TDRD5: variants seen among roughly 807,000 people sequenced by gnomAD.
The protein encoded by TDRD5 is tudor domain containing 5.
TDRD5 carries 41 observed loss-of-function variants against 120.6 expected under a neutral mutation model. The observed-to-expected ratio is 0.34, with a 90% CI of 0.26 to 0.44. TDRD5 has a LOEUF of 0.44. Among genes scored for constraint, TDRD5 ranks in the 20% least tolerant of loss-of-function variants. The pLI, the probability that TDRD5 is intolerant of heterozygous loss-of-function variation, is 1.00. For missense variants in TDRD5, 1,006 were observed against 1,221.2 expected (o/e 0.82, Z 2.63); for synonymous variants, 430 against 433.7 (o/e 0.99, Z 0.11).
At chr1:179,627,942 G>A (rs549003786) in intron 6 of TDRD5, among the ~76,000 whole-genome samples, 51 of 152,254 alleles carry the variant, frequency 3.3e-4, no homozygotes, top group African/African-American at 1.2e-3. Context: ...ACAGAATGCT[G>A]CTGTTAAAAC....
chr1:179,606,556 T>G (rs1675995330), intron 4 of TDRD5, among the ~76,000 whole-genome samples: 1 of 152,142 alleles, frequency 6.6e-6, no homozygotes, highest in South Asian at 2.1e-4. Flanking sequence ...TCAAAGAGTT[T>G]TATAGTTTTG....
intron 4 of TDRD5, among the ~76,000 whole-genome samples, chr1:179,611,729 G>A (rs1366446442): frequency 6.6e-6 from 1 of 152,202 alleles, no homozygotes; most frequent in East Asian, 1.9e-4. Flanking sequence ...CTCATGGCAT[G>A]GCTCCAAGTT....
intron 4 of TDRD5, among the ~76,000 whole-genome samples, chr1:179,612,119 T>A (rs2101947809): frequency 6.6e-6 from 1 of 152,338 alleles, no homozygotes; most frequent in East Asian, 1.9e-4. Context: ...AAGTGTAAAC[T>A]TTTTTCTTTT....
chr1:179,681,942 T>TC (rs1211765105), intron 17 of TDRD5, among the ~76,000 whole-genome samples: 1 of 1,570 alleles, frequency 6.4e-4, no homozygotes, highest in Non-Finnish European at 1.3e-3. Flanking sequence ...CTTTTTCTTT[T>TC]TTTTTTTTTT....
intron 4 of TDRD5, among the ~76,000 whole-genome samples, chr1:179,607,716 C>T (rs1475422818): frequency 6.6e-6 from 1 of 151,810 alleles, no homozygotes. Flanking sequence ...TATTGTGATA[C>T]ATTTTAGTTC....
chr1:179,635,328 A>C (rs920637047), intron 8 of TDRD5, among the ~76,000 whole-genome samples: 1 of 152,176 alleles, frequency 6.6e-6, no homozygotes, highest in East Asian at 1.9e-4. Context: ...ATAAGAATCC[A>C]CCTTGGTTCA....
chr1:179,596,795 G>A (rs1479316359), intron 4 of TDRD5, among the ~76,000 whole-genome samples: 1 of 152,070 alleles, frequency 6.6e-6, no homozygotes, highest in African/African-American at 2.4e-5. Context: ...ATCTTGTATG[G>A]CCATAGTTCA....
intron 4 of TDRD5, among the ~76,000 whole-genome samples, chr1:179,607,837 A>G (rs1461349660): frequency 6.6e-6 from 1 of 152,040 alleles, no homozygotes. Flanking sequence ...GTCAAATTTT[A>G]AGAGATTAAA....
Position 179,595,578 on chromosome 1 carries a change from T to A in TDRD5, c.641-50T>A, listed in dbSNP as rs757821906. On this transcript the variant is annotated intron_variant, in intron 3 of 17. Transcript: ENST00000444136. ...TGTATGTAGCCACCGGAAAATGAAA[T>A]AGAAGTTGCTAGTGACAATTTTTCT... 5 of 1,479,100 alleles carry A rather than the reference T, an allele frequency of 3.4e-6. No homozygotes were observed. The Admixed American group carries it at 1.1e-4, about 33-fold the overall frequency. 91.6% of individuals were successfully genotyped at this position (1,479,100 alleles called of 1,614,324 possible). A position where few individuals can be genotyped will look rare whatever the true frequency, so the allele number is the denominator to read the frequency against.
intron 14 of TDRD5, among the ~76,000 whole-genome samples, chr1:179,658,532 A>C (rs551395258): frequency 3.9e-5 from 6 of 152,264 alleles, no homozygotes; most frequent in Admixed American, 1.3e-4. Flanking sequence ...CAAATGAGGA[A>C]TTGGTTCACT....
intron 4 of TDRD5, among the ~76,000 whole-genome samples, chr1:179,605,794 A>G (rs897064432): frequency 5.3e-5 from 8 of 152,112 alleles, no homozygotes; most frequent in Non-Finnish European, 4.4e-5. Context: ...TCATGGCTTT[A>G]TAATGCATTT....
At position 179,617,935 on chromosome 1, in the gene TDRD5, T is replaced by A. The variant is rs533009398; in HGVS notation, c.832-664T>A. On this transcript the variant is annotated intron_variant, in intron 4 of 17. Coordinates refer to ENST00000444136, the MANE Select transcript of TDRD5 (RefSeq NM_001199085.3). Reference sequence around the variant, plus strand: ...CCTACCTGCTAAGTTTAGATTATCATCCAATATTTCCTTAACTTTATTTTC... The same window carrying A: ...CCTACCTGCTAAGTTTAGATTATCAACCAATATTTCCTTAACTTTATTTTC... Among the ~76,000 whole-genome samples, 12 of 152,294 alleles carry A rather than the reference T, an allele frequency of 7.9e-5. No individual in the cohort carries two copies. The South Asian group carries it at 2.5e-3, about 32-fold the overall frequency.
At chr1:179,690,546 G>T in intron 17 of TDRD5, 150 bp from the exon 18 acceptor site, 1 of 1,010,106 alleles carries the variant, frequency 9.9e-7, no homozygotes, top group Non-Finnish European at 1.4e-6. Context: ...TGGTTTCTAA[G>T]TCTCATCTTC....
intron 4 of TDRD5, among the ~76,000 whole-genome samples, chr1:179,610,278 T>G (rs1478313847): frequency 6.6e-6 from 1 of 152,186 alleles, no homozygotes; most frequent in Admixed American, 6.5e-5. Context: ...AATTTTCCTA[T>G]TTTTAGATTA....
intron 7 of TDRD5, among the ~76,000 whole-genome samples, chr1:179,632,918 G>C (rs1292574582): frequency 6.6e-6 from 1 of 152,140 alleles, no homozygotes; most frequent in Admixed American, 6.5e-5. Flanking sequence ...TTAGCCTACA[G>C]TTGGGCAAAA....
intron 17 of TDRD5, among the ~76,000 whole-genome samples, chr1:179,678,721 A>G (rs1411577075): frequency 1.3e-5 from 2 of 152,192 alleles, no homozygotes; most frequent in Admixed American, 6.5e-5. Flanking sequence ...TTACTGGTAT[A>G]TAGAAATATA....
chr1:179,662,390 C>A (rs1330707659), intron 15 of TDRD5, 104 bp downstream of exon 15: 3 of 1,260,778 alleles, frequency 2.4e-6, no homozygotes, highest in Non-Finnish European at 3.2e-6. Flanking sequence ...CAGTTGAGCT[C>A]AGGAGTTCAT....
chr1:179,593,646 A>G lies in TDRD5; in HGVS notation c.419A>G (p.Lys140Arg). 4 of 1,614,258 alleles carry G rather than the reference A, an allele frequency of 2.5e-6. No homozygotes were observed. In the South Asian group the frequency reaches 4.4e-5, roughly 18 times the overall value. The change falls in exon 3 of 18, where the codon AAG becomes AGG. Residue 140 changes from lysine (K) to arginine (R), a missense_variant. Lys to Arg is a conservative substitution (Grantham distance 26). Coordinates refer to ENST00000444136, the MANE Select transcript of TDRD5 (RefSeq NM_001199085.3). ...ILPAVVKSEL[K>R]DLLALSPVLL... Reference sequence around the variant, plus strand: ...CCAGCTGTTGTGAAGAGTGAGTTGAAGGACCTGTTGGCGTTATCTCCTGTT... The same window carrying G: ...CCAGCTGTTGTGAAGAGTGAGTTGAGGGACCTGTTGGCGTTATCTCCTGTT...
intron 17 of TDRD5, among the ~76,000 whole-genome samples, chr1:179,677,678 G>A (rs1457833711): frequency 6.6e-6 from 1 of 152,160 alleles, no homozygotes; most frequent in East Asian, 1.9e-4. Flanking sequence ...ACTGGGGAGA[G>A]TCTGCAAAGA....
Sources: gnomAD v4.1 joint callset for allele counts (sites outside exome capture counted in the v4.1 genomes callset) on GRCh38, gnomAD v4.1.1 for gene constraint, MANE v1.5 for transcripts, NCBI Gene and HGNC (gene_info 2026-07-23, HGNC 2026-07-21) for gene names.